The following USP31 variants were observed in gnomAD, a reference collection of about 807,000 sequenced individuals.
USP31 encodes the protein ubiquitin carboxyl-terminal hydrolase 31.
In USP31, 44 loss-of-function variants were observed where a neutral mutation model predicts 119.4. The ratio of observed to expected loss-of-function variants is 0.37; its 90% confidence interval spans 0.29 to 0.47. USP31 has a LOEUF of 0.47. USP31 is among the 20% of genes least tolerant of loss of function. The pLI, the probability that USP31 is intolerant of heterozygous loss-of-function variation, is 0.99. For missense variants in USP31, 1,643 were observed against 1,730.2 expected (o/e 0.95, Z 0.89); for synonymous variants, 749 against 705.6 (o/e 1.06, Z -0.97).
chr16:23,102,355 C>G lies in USP31; in HGVS notation c.1198G>C (p.Glu400Gln), dbSNP rs373710188. ...AGAATTCCTTCAGGCCTAAATATTT[C>G]GGGAGTCTCAAAGGCAAAAATGCAG... ...SDCIFAFETP[E>Q]IFRPEGILSQ... Residue 400 changes from glutamate (E) to glutamine (Q), a missense_variant, in exon 6 of 16, where the codon GAA becomes CAA. By Grantham distance (29) the Glu-to-Gln change is conservative. This residue lies in a region of USP31 where 219 missense variants were observed against 226.4 expected (regional missense o/e 0.97). Transcript: ENST00000219689. 11 of 1,613,854 alleles carry G rather than the reference C, an allele frequency of 6.8e-6. No individual in the cohort carries two copies. Among genetic ancestry groups the G allele is most frequent in the Admixed American group, 1.7e-5 (1 of 59,974 alleles).
chr16:23,114,480 A>C (rs1902429447), intron 1 of USP31, among the ~76,000 whole-genome samples: 1 of 152,174 alleles, frequency 6.6e-6, no homozygotes, highest in Non-Finnish European at 1.5e-5. Context: ...GAAAGTTTCA[A>C]CATAGACATT....
At chr16:23,101,418 T>C (rs1158265573) in intron 6 of USP31, among the ~76,000 whole-genome samples, 1 of 151,952 alleles carries the variant, frequency 6.6e-6, no homozygotes, top group African/African-American at 2.4e-5. Context: ...GAAATTCCAG[T>C]AGGGAGGTGG....
chr16:23,080,394 G>T (rs1900766148), intron 12 of USP31, among the ~76,000 whole-genome samples: 1 of 151,928 alleles, frequency 6.6e-6, no homozygotes, highest in South Asian at 2.1e-4. Flanking sequence ...ATATAGAGGG[G>T]GTAAATGAGC....
Position 23,085,680 on chromosome 16 carries a change from T to C in USP31, c.1623-18A>G, listed in dbSNP as rs2141846403. 1.3e-6 allele frequency: 2 copies of C among 1,595,598 alleles called. No homozygotes were observed. Among genetic ancestry groups the C allele is most frequent in the East Asian group, 2.2e-5 (1 of 44,754 alleles). On this transcript the variant is annotated intron_variant, in intron 9 of 15. Transcript: ENST00000219689. ...TTAATGCCCTATAGAACCAGGGAAG[T>C]GGAGAGGGAAGCCACATATTATTTT...
chr16:23,126,294 C>T (rs1328089219), intron 1 of USP31, among the ~76,000 whole-genome samples: 2 of 148,132 alleles, frequency 1.4e-5, no homozygotes, highest in Non-Finnish European at 3.0e-5. Flanking sequence ...GAACTCTAAC[C>T]TGGGTACAGA....
chr16:23,106,505 T>A lies in USP31; in HGVS notation c.772-18A>T, dbSNP rs1412677801. 2 of 1,590,240 alleles carry A rather than the reference T, an allele frequency of 1.3e-6. No homozygotes were observed. Among genetic ancestry groups the A allele is most frequent in the Non-Finnish European group, 1.7e-6 (2 of 1,168,960 alleles). On this transcript the variant is annotated intron_variant, in intron 2 of 15. Coordinates refer to ENST00000219689, the MANE Select transcript of USP31 (RefSeq NM_020718.4). ...GATGGTGGCTAAAAAAAAAAGAAAGTACAACTTCACAGACTAGAAAGACCA... is the reference window on the plus strand; with the variant it reads ...GATGGTGGCTAAAAAAAAAAGAAAGAACAACTTCACAGACTAGAAAGACCA...
intron 5 of USP31, 85 bp from the exon 6 acceptor site, chr16:23,102,548 A>G: frequency 6.8e-7 from 1 of 1,460,632 alleles, no homozygotes; most frequent in African/African-American, 1.4e-5. Context: ...TCTCCAGACC[A>G]TCAGGACTGG....
intron 1 of USP31, among the ~76,000 whole-genome samples, chr16:23,137,205 CCT>C (rs1358088349): frequency 7.9e-5 from 12 of 151,990 alleles, no homozygotes; most frequent in African/African-American, 2.9e-4. Flanking sequence ...AGAGCAAGAC[CCT>C]GTCTCAAACA....
rs7404955 is a variant in USP31, at chr16:23,149,297, G to C, written c.-27C>G. 7.4e-3 allele frequency: 7,733 copies of C among 1,045,090 alleles called. 43 individuals carry two copies. The highest frequency in any genetic ancestry group is 0.012 in the Middle Eastern group (28 of 2,242). The allele number at this position is 1,045,090 out of a possible 1,614,324, so 64.7% of individuals were successfully genotyped here. The stretch of plus-strand genomic sequence containing the variant: ...GCGGCGGCCGCAGACACTCATCACC[G>C]CGCCCGCCCGCCCGGCCCGCGGCCC... On this transcript the variant is annotated 5_prime_UTR_variant, in exon 1 of 16. Coordinates refer to ENST00000219689, the MANE Select transcript of USP31 (RefSeq NM_020718.4).
Position 23,072,197 on chromosome 16 carries a change from C to A in USP31, c.2336G>T (p.Gly779Val). Residue 779 changes from glycine (G) to valine (V), a missense_variant and splice_region_variant, in exon 15 of 16, where the codon GGC (glycine) becomes GTC (valine). By Grantham distance (109) the Gly-to-Val change is moderately radical. Transcript: ENST00000219689. ...PSWSANSSVAGSTSSSLCEHW... is the reference protein window; with the variant it reads ...PSWSANSSVAVSTSSSLCEHW... ...TTCACACAGGGAAGAACTTGTGGAGCCTGCAGAGAAGAAAACAGGCATAGA... is the reference window on the plus strand; with the variant it reads ...TTCACACAGGGAAGAACTTGTGGAGACTGCAGAGAAGAAAACAGGCATAGA... 1.9e-6 allele frequency: 3 copies of A among 1,605,420 alleles called. No individual in the cohort carries two copies. The highest frequency in any genetic ancestry group is 2.5e-6 in the Non-Finnish European group (3 of 1,179,748).
intron 9 of USP31, 33 bp downstream of exon 9, chr16:23,087,059 C>A (rs1567230806): frequency 6.5e-7 from 1 of 1,530,132 alleles, no homozygotes; most frequent in South Asian, 1.2e-5. Flanking sequence ...GTGTGAGATT[C>A]TAAAAGGTAA....
Position 23,073,796 on chromosome 16 carries a change from G to T in USP31, c.2261C>A (p.Thr754Lys). The T allele has an allele frequency of 1.2e-6, 2 of 1,614,062 alleles. No individual in the cohort carries two copies. Among genetic ancestry groups the T allele is most frequent in the Non-Finnish European group, 1.7e-6 (2 of 1,180,032 alleles). The part of the protein sequence containing the change: ...VQQLSEDEVC[T>K]QTAYILFYQR... Reference sequence around the variant, plus strand: ...GTAGAAGAGGATGTATGCTGTCTGCGTGCAGACCTCATCTTCTGACAGCTG... The same window carrying T: ...GTAGAAGAGGATGTATGCTGTCTGCTTGCAGACCTCATCTTCTGACAGCTG... The change falls in exon 14 of 16, where the codon ACG becomes AAG. Residue 754 changes from threonine to lysine, a missense_variant. By Grantham distance (78) the Thr-to-Lys change is moderately conservative. Coordinates refer to ENST00000219689, the MANE Select transcript of USP31 (RefSeq NM_020718.4).
intron 1 of USP31, among the ~76,000 whole-genome samples, chr16:23,147,579 T>C (rs142811694): frequency 0.013 from 1,918 of 152,136 alleles, 31 homozygotes; most frequent in Non-Finnish European, 0.017. Context: ...AATCTCACCC[T>C]CTCACTACAC....
chr16:23,100,781 C>T (rs915223025), intron 6 of USP31, among the ~76,000 whole-genome samples: 5 of 152,028 alleles, frequency 3.3e-5, no homozygotes, highest in Admixed American at 2.0e-4. Flanking sequence ...ATAATGAGTG[C>T]TTAGAGCTTG....
chr16:23,072,549 C>T (rs1422689892), intron 14 of USP31: 18 of 568,400 alleles, frequency 3.2e-5, no homozygotes, highest in Non-Finnish European at 3.7e-5. Flanking sequence ...CATCTACATG[C>T]CAGGCACTGT....
intron 12 of USP31, among the ~76,000 whole-genome samples, chr16:23,080,515 A>G (rs540236772): frequency 2.6e-5 from 4 of 152,292 alleles, no homozygotes; most frequent in South Asian, 4.1e-4. Context: ...AGAGACATGA[A>G]AACTAATGAT....
chr16:23,084,168 A>G (rs1900985847), intron 11 of USP31, among the ~76,000 whole-genome samples: 4 of 152,240 alleles, frequency 2.6e-5, no homozygotes, highest in South Asian at 2.1e-4. Flanking sequence ...ATGATCCTAG[A>G]TATCAATGCA....
In USP31 at chr16:23,066,208, G is replaced by A. The variant is rs1596675992; in HGVS notation, c.*1838C>T. On this transcript the variant is annotated 3_prime_UTR_variant, in exon 16 of 16. Coordinates refer to ENST00000219689, the MANE Select transcript of USP31 (RefSeq NM_020718.4). ...GAGTGCAATGGACAACAGGCTCACA[G>A]TCAATGAATCACATGGAGCACTGTG... is the stretch of plus-strand genomic sequence containing the variant. 1.3e-5 allele frequency: 2 copies of A among 152,682 alleles called. No individual in the cohort carries two copies. The highest frequency in any genetic ancestry group is 4.1e-4 in the South Asian group (2 of 4,826). 9.5% of individuals were successfully genotyped at this position (152,682 alleles called of 1,614,324 possible).
intron 1 of USP31, among the ~76,000 whole-genome samples, chr16:23,126,320 TAAAAAAAAAAAA>T (rs71279502): frequency 2.1e-4 from 23 of 107,168 alleles, no homozygotes; most frequent in Non-Finnish European, 3.7e-4. Context: ...CCTGTCTCTT[TAAAAAAAAAAAA>T]AAAAAAAAAA....
Sources: allele counts gnomAD v4.1 joint callset (sites outside exome capture counted in the v4.1 genomes callset), GRCh38; gene constraint gnomAD v4.1.1; regional missense constraint gnomAD v4.1.1; transcripts MANE v1.5; gene names NCBI Gene and HGNC (gene_info 2026-07-23, HGNC 2026-07-21).